The following CAMTA1 variants were observed in gnomAD, a reference collection of about 807,000 sequenced individuals.
CAMTA1 encodes the protein calmodulin binding transcription activator 1, also known as calmodulin-binding transcription activator 1.
CAMTA1 carries 27 observed loss-of-function variants against 170.9 expected under a neutral mutation model. The observed-to-expected ratio is 0.16, with a 90% confidence interval of 0.12 to 0.22. CAMTA1 has a LOEUF of 0.22. CAMTA1 is among the 10% of genes least tolerant of loss of function. CAMTA1 has a pLI of 1.00. For synonymous variants in CAMTA1, 833 were observed against 891.5 expected (o/e 0.93, Z 1.17); for missense variants, 1,619 against 2,217.2 (o/e 0.73, Z 5.42).
intron 6 of CAMTA1, among the ~76,000 whole-genome samples, chr1:7,601,984 ACC>A (rs2095447682): frequency 1.6e-5 from 2 of 121,384 alleles, no homozygotes; most frequent in African/African-American, 6.6e-5. Flanking sequence ...GGAGAGGGAG[ACC>A]GTGGGGAGAG....
At chr1:6,926,311 TCCTCC>T (rs956146048) in intron 3 of CAMTA1, among the ~76,000 whole-genome samples, 14 of 147,380 alleles carry the variant, frequency 9.5e-5, no homozygotes, top group Admixed American at 3.3e-4. Flanking sequence ...TCCTCTCCTC[TCCTCC>T]CCTCCCCTCC....
intron 11 of CAMTA1, among the ~76,000 whole-genome samples, chr1:7,704,260 C>A (rs1298489267): frequency 6.8e-6 from 1 of 146,248 alleles, no homozygotes; most frequent in Non-Finnish European, 1.5e-5. Context: ...CGCGGGGAGC[C>A]AGGCAGGGCG....
At chr1:6,798,572 C>G (rs1010656603) in intron 1 of CAMTA1, among the ~76,000 whole-genome samples, 105 of 150,990 alleles carry the variant, frequency 7.0e-4, no homozygotes, top group Admixed American at 2.7e-3. Flanking sequence ...CGCCCACCAC[C>G]ACACCTGGCT....
chr1:7,335,124 T>TTTTGTGTGTGTGTGTGTGTG (rs1557537117), intron 5 of CAMTA1, among the ~76,000 whole-genome samples: 7 of 19,198 alleles, frequency 3.6e-4, no homozygotes, highest in Non-Finnish European at 4.9e-4. Flanking sequence ...AGCACAGCTT[T>TTTTGTGTGTGTGTGTGTGTG]TGTGTGTGTG....
At position 7,732,518 on chromosome 1, in the gene CAMTA1, G is replaced by T. The variant is rs766514039; in HGVS notation, c.2985G>T (p.Gly995=). The change falls in exon 12 of 23, where the codon GGG becomes GGT. Residue 995 remains glycine (G), a synonymous_variant. Transcript: ENST00000303635. The surrounding 1 kb of genome is among the most constrained non-coding windows in gnomAD (Gnocchi z 4.1). The part of the protein sequence containing the change: ...QMERRMAEMT[G]SQQHKQASGG... ...AGAGGAGGATGGCCGAGATGACGGG[G>T]TCCCAGCAGCACAAACAGGCGAGCG... is the stretch of plus-strand genomic sequence containing the variant. 1.9e-6 allele frequency: 3 copies of T among 1,613,924 alleles called. No individual in the cohort carries two copies. The highest frequency in any genetic ancestry group is 1.7e-4 in the Middle Eastern group (1 of 5,876).
intron 5 of CAMTA1, among the ~76,000 whole-genome samples, chr1:7,447,045 A>G (rs1575380539): frequency 6.6e-6 from 1 of 152,044 alleles, no homozygotes; most frequent in Non-Finnish European, 1.5e-5. Context: ...CAAGGTGGAG[A>G]CCGTCCCGTG....
At chr1:7,359,637 T>C (rs2085389701) in intron 5 of CAMTA1, among the ~76,000 whole-genome samples, 1 of 152,192 alleles carries the variant, frequency 6.6e-6, no homozygotes, top group Non-Finnish European at 1.5e-5. Flanking sequence ...TGGAGCATTG[T>C]CATTTGCAGA....
chr1:7,536,444 G>A (rs925867965), intron 6 of CAMTA1, among the ~76,000 whole-genome samples: 4 of 152,218 alleles, frequency 2.6e-5, no homozygotes, highest in East Asian at 1.9e-4. Context: ...CTGTGGGTTC[G>A]GTTTCTCTGC....
intron 3 of CAMTA1, among the ~76,000 whole-genome samples, chr1:6,891,822 T>C (rs1674558040): frequency 1.3e-5 from 2 of 152,236 alleles, no homozygotes; most frequent in South Asian, 4.1e-4. Flanking sequence ...TTTTATGTAC[T>C]TCTGCAGTTT....
At chr1:7,312,196 T>C (rs936635127) in intron 5 of CAMTA1, among the ~76,000 whole-genome samples, 2 of 152,092 alleles carry the variant, frequency 1.3e-5, no homozygotes, top group Non-Finnish European at 2.9e-5. Flanking sequence ...GTCTAACTAT[T>C]GTGAGAGAGT....
intron 5 of CAMTA1, among the ~76,000 whole-genome samples, chr1:7,291,131 C>T (rs1270382451): frequency 6.6e-6 from 1 of 152,124 alleles, no homozygotes; most frequent in Non-Finnish European, 1.5e-5. Flanking sequence ...TATCTGGGTT[C>T]CTTGCAGTGC....
intron 3 of CAMTA1, among the ~76,000 whole-genome samples, chr1:6,951,877 A>G (rs1226266114): frequency 6.6e-6 from 1 of 152,168 alleles, no homozygotes; most frequent in African/African-American, 2.4e-5. Context: ...CAAGCGCAGT[A>G]AGACTGTGAG....
intron 6 of CAMTA1, among the ~76,000 whole-genome samples, chr1:7,587,409 G>A (rs538779804): frequency 4.6e-5 from 7 of 152,224 alleles, no homozygotes; most frequent in Middle Eastern, 3.4e-3. Context: ...TGTGGGGCCT[G>A]CGTCTGCGGT....
At chr1:7,123,276 G>C (rs553266004) in intron 4 of CAMTA1, among the ~76,000 whole-genome samples, 1 of 152,236 alleles carries the variant, frequency 6.6e-6, no homozygotes, top group Non-Finnish European at 1.5e-5. Flanking sequence ...GTCGGTGGCT[G>C]TCTCTTTCTC....
At chr1:7,118,481 G>T (rs1320596613) in intron 4 of CAMTA1, among the ~76,000 whole-genome samples, 2 of 151,126 alleles carry the variant, frequency 1.3e-5, no homozygotes, top group Non-Finnish European at 2.9e-5. Flanking sequence ...ATTTTTTTTT[G>T]GAGAGTTGGG....
chr1:7,670,832 A>C, intron 9 of CAMTA1, 79 bp from the exon 10 acceptor site: 1 of 1,535,708 alleles, frequency 6.5e-7, no homozygotes, highest in Non-Finnish European at 8.9e-7. Context: ...CTGAGCAGTG[A>C]AGCCTCAGGG....
At chr1:7,176,791 CTG>C (rs1350680163) in intron 4 of CAMTA1, among the ~76,000 whole-genome samples, 1 of 152,180 alleles carries the variant, frequency 6.6e-6, no homozygotes, top group Non-Finnish European at 1.5e-5. Context: ...CCACCCCTGG[CTG>C]TGCCATCTTG....
At chr1:7,622,823 G>A (rs1357465147) in intron 6 of CAMTA1, among the ~76,000 whole-genome samples, 1 of 152,262 alleles carries the variant, frequency 6.6e-6, no homozygotes, top group East Asian at 1.9e-4. Flanking sequence ...GACAGATGTG[G>A]AGCCGCCATC....
intron 4 of CAMTA1, among the ~76,000 whole-genome samples, chr1:7,183,261 C>T (rs1186857150): frequency 3.9e-5 from 6 of 152,094 alleles, no homozygotes; most frequent in Admixed American, 2.0e-4. Context: ...TCTGTGACTT[C>T]GTTACTGAAG....
Sources: gnomAD v4.1 joint callset for allele counts (sites outside exome capture counted in the v4.1 genomes callset) on GRCh38, gnomAD v4.1.1 for gene constraint, Gnocchi (gnomAD v3.1) non-coding constraint, MANE v1.5 for transcripts, NCBI Gene and HGNC (gene_info 2026-07-23, HGNC 2026-07-21) for gene names.